The following TEAD4 variants were observed in gnomAD, a reference collection of about 807,000 sequenced individuals.
TEAD4 encodes the protein TEA domain transcription factor 4.
A neutral mutation model predicts 52.4 loss-of-function variants in TEAD4; 36 were observed. That is an observed-to-expected ratio of 0.69 (90% confidence interval 0.53 to 0.91). The LOEUF is 0.91. Ranked by LOEUF, TEAD4 falls within the 40% of genes least tolerant of loss-of-function variation. The pLI is 0.00. For synonymous variants in TEAD4, 220 were observed against 231.0 expected, an observed-to-expected ratio of 0.95 and a Z score of 0.43; for missense variants, 508 against 583.9, an observed-to-expected ratio of 0.87 and a Z score of 1.34.
At chr12:3,026,014 ATG>A (rs1409472313) in intron 10 of TEAD4, among the ~76,000 whole-genome samples, 1 of 151,382 alleles carries the variant, frequency 6.6e-6, no homozygotes, top group Non-Finnish European at 1.5e-5. Flanking sequence ...GCTTTGGGAT[ATG>A]TGTTGTTTTA....
intron 2 of TEAD4, among the ~76,000 whole-genome samples, chr12:2,968,015 A>G (rs1174005333): frequency 6.7e-6 from 1 of 149,402 alleles, no homozygotes; most frequent in African/African-American, 2.4e-5. Flanking sequence ...GCTGTTAAGT[A>G]TTGAGCTCGC....
chr12:3,038,410 C>A (rs2098280699), intron 11 of TEAD4, among the ~76,000 whole-genome samples: 1 of 152,200 alleles, frequency 6.6e-6, no homozygotes, highest in African/African-American at 2.4e-5. Context: ...TCTACCTAGT[C>A]CAGCCCTCTG....
intron 2 of TEAD4, 47 bp downstream of exon 2, chr12:2,960,087 G>A (rs970896846): frequency 1.3e-5 from 2 of 155,486 alleles, no homozygotes; most frequent in African/African-American, 4.8e-5. Flanking sequence ...CGGAGGGCAG[G>A]AGTCTGCGCG....
At chr12:3,012,705 C>G (rs1029920989) in intron 5 of TEAD4, among the ~76,000 whole-genome samples, 6 of 152,156 alleles carry the variant, frequency 3.9e-5, no homozygotes, top group African/African-American at 1.4e-4. Flanking sequence ...CTGGGTCAGC[C>G]CCGTCTTGCA....
At chr12:3,022,264 C>G (rs987648505) in intron 10 of TEAD4, among the ~76,000 whole-genome samples, 4 of 152,184 alleles carry the variant, frequency 2.6e-5, no homozygotes, top group Non-Finnish European at 5.9e-5. Flanking sequence ...GGCAGCTAAG[C>G]CGGGCTAACA....
intron 10 of TEAD4, among the ~76,000 whole-genome samples, chr12:3,026,031 C>A (rs1005484125): frequency 6.6e-6 from 1 of 152,008 alleles, no homozygotes; most frequent in African/African-American, 2.4e-5. Context: ...GTTTTACTTC[C>A]CCGTCTTGAG....
chr12:2,974,404 C>T (rs745977155), intron 2 of TEAD4, among the ~76,000 whole-genome samples: 40 of 152,192 alleles, frequency 2.6e-4, no homozygotes, highest in Non-Finnish European at 4.0e-4. Context: ...TGAAAAATGA[C>T]CAAGGCCAGG....
At chr12:3,018,481 C>A in intron 6 of TEAD4, 64 bp from the exon 7 acceptor site, 1 of 1,604,284 alleles carries the variant, frequency 6.2e-7, no homozygotes, top group East Asian at 2.2e-5. Flanking sequence ...TACCCCCACC[C>A]CCACACCACA....
chr12:2,979,482 C>T (rs940415189), intron 2 of TEAD4, among the ~76,000 whole-genome samples: 4 of 152,194 alleles, frequency 2.6e-5, no homozygotes, highest in South Asian at 4.1e-4. Context: ...CCCAGGTAGA[C>T]GAAGTGCGGC....
intron 2 of TEAD4, among the ~76,000 whole-genome samples, chr12:2,974,293 G>C (rs564031062): frequency 6.6e-6 from 1 of 152,300 alleles, no homozygotes; most frequent in East Asian, 1.9e-4. Flanking sequence ...GTAAGCCACC[G>C]TGCCCGGCCA....
At chr12:3,014,424 C>T (rs376328278) in intron 5 of TEAD4, among the ~76,000 whole-genome samples, 23 of 152,334 alleles carry the variant, frequency 1.5e-4, no homozygotes, top group Middle Eastern at 3.4e-3. Flanking sequence ...CCATAAACTC[C>T]TTAAAATATG....
chr12:2,959,414 G>A lies in TEAD4; in HGVS notation c.-190G>A, dbSNP rs2098213250. Reference sequence around the variant, plus strand: ...CAGCCCTCATTCCGCGCATTCCAGCGTCCTCCTCGCACACTCGAGGCCAGG... The same window carrying A: ...CAGCCCTCATTCCGCGCATTCCAGCATCCTCCTCGCACACTCGAGGCCAGG... On this transcript the variant is annotated 5_prime_UTR_variant, in exon 1 of 13. Transcript: ENST00000359864. This position sits in a 1 kb window ranked among gnomAD's most constrained non-coding sequence, Gnocchi z 5.1. 6.8e-6 allele frequency: 1 copy of A among 146,218 alleles called. No individual in the cohort carries two copies. Among genetic ancestry groups the A allele is most frequent in the African/African-American group, 2.5e-5 (1 of 40,678 alleles). 9.1% of individuals were successfully genotyped at this position (146,218 alleles called of 1,614,324 possible).
chr12:2,968,567 C>T (rs1379650673), intron 2 of TEAD4, among the ~76,000 whole-genome samples: 1 of 151,538 alleles, frequency 6.6e-6, no homozygotes, highest in Non-Finnish European at 1.5e-5. Flanking sequence ...TGATGCCATG[C>T]CCGCCTAACA....
chr12:3,036,658 T>C (rs893475040), intron 10 of TEAD4, among the ~76,000 whole-genome samples: 1 of 152,186 alleles, frequency 6.6e-6, no homozygotes, highest in African/African-American at 2.4e-5. Flanking sequence ...AGGAGCGGCC[T>C]CCCCTGAGAA....
At chr12:2,967,582 T>G (rs2098221474) in intron 2 of TEAD4, among the ~76,000 whole-genome samples, 1 of 152,180 alleles carries the variant, frequency 6.6e-6, no homozygotes, top group African/African-American at 2.4e-5. Context: ...ATTATGTAAG[T>G]CTAGAATAGA....
chr12:3,002,092 A>G (rs1414603796), intron 3 of TEAD4, among the ~76,000 whole-genome samples: 1 of 152,226 alleles, frequency 6.6e-6, no homozygotes, highest in Non-Finnish European at 1.5e-5. Flanking sequence ...ACTCCATCTC[A>G]AAAAGAAAAA....
intron 10 of TEAD4, among the ~76,000 whole-genome samples, chr12:3,029,387 G>A (rs1162540769): frequency 1.3e-5 from 2 of 151,858 alleles, no homozygotes; most frequent in African/African-American, 4.8e-5. Flanking sequence ...TCAGGCGCCC[G>A]CCACCACGCC....
intron 2 of TEAD4, among the ~76,000 whole-genome samples, chr12:2,960,788 C>A (rs2098214624): frequency 6.6e-6 from 1 of 152,160 alleles, no homozygotes; most frequent in African/African-American, 2.4e-5. Flanking sequence ...TGTTTCTCTT[C>A]GAGGATGTTG....
chr12:2,975,034 A>T (rs141894822), intron 2 of TEAD4, among the ~76,000 whole-genome samples: 471 of 152,152 alleles, frequency 3.1e-3, no homozygotes, highest in Non-Finnish European at 5.2e-3. Context: ...CTGTATTTTC[A>T]TAATTTTTGC....
Sources: allele counts gnomAD v4.1 joint callset (sites outside exome capture counted in the v4.1 genomes callset), GRCh38; gene constraint gnomAD v4.1.1; non-coding constraint Gnocchi (gnomAD v3.1); transcripts MANE v1.5; gene names NCBI Gene and HGNC (gene_info 2026-07-23, HGNC 2026-07-21).